Variants in ACSM2B observed in about 807,000 individuals in gnomAD.
ACSM2B encodes acyl-CoA synthetase medium chain family member 2B.
A neutral mutation model predicts 78.6 loss-of-function variants in ACSM2B; 58 were observed. The observed-to-expected ratio is 0.74, with a 90% CI of 0.60 to 0.92. ACSM2B has a LOEUF of 0.92. Among genes scored for constraint, ACSM2B ranks in the 40% least tolerant of loss-of-function variants. The pLI is 0.00. For missense variants in ACSM2B, 688 were observed against 711.2 expected (o/e 0.97, Z 0.37); for synonymous variants, 257 against 256.8 (o/e 1.00, Z -0.01).
intron 8 of ACSM2B, chr16:20,546,743 G>A (rs186664752): frequency 0.021 from 8,995 of 419,810 alleles, 161 homozygotes; most frequent in Middle Eastern, 0.032. Context: ...TTTAGGGGGA[G>A]TCACATTTTA....
At position 20,537,074 on chromosome 16, in the gene ACSM2B, A is replaced by C. The variant is rs1278979536; in HGVS notation, c.*184T>G. On this transcript the variant is annotated 3_prime_UTR_variant, in exon 14 of 14. Transcript: ENST00000329697. ...TACCCTCTCCTTTTCACTCTCTCTCATTCCTTCCCTTTCTTATTTCAATAT... is the reference window on the plus strand; with the variant it reads ...TACCCTCTCCTTTTCACTCTCTCTCCTTCCTTCCCTTTCTTATTTCAATAT... 3 of 671,404 alleles carry C rather than the reference A, an allele frequency of 4.5e-6. No individual in the cohort carries two copies. Among genetic ancestry groups the C allele is most frequent in the Non-Finnish European group, 7.3e-6 (3 of 409,260 alleles). The allele number at this position is 671,404 out of a possible 1,614,324, so 41.6% of individuals were successfully genotyped here.
chr16:20,567,347 ATATATT>A (rs2015935665), intron 1 of ACSM2B, among the ~76,000 whole-genome samples: 1 of 50,826 alleles, frequency 2.0e-5, no homozygotes, highest in East Asian at 9.3e-3. Flanking sequence ...TTATATATAA[ATATATT>A]ATATATTATA....
At chr16:20,574,447 A>C (rs560207905) in intron 1 of ACSM2B, 6 of 152,202 alleles carry the variant, frequency 3.9e-5, no homozygotes, top group African/African-American at 1.4e-4. Context: ...GGCATAAGAA[A>C]CTATAAGAGT....
At chr16:20,564,501 G>A (rs2015760315) in intron 2 of ACSM2B, among the ~76,000 whole-genome samples, 168 bp downstream of exon 2, 1 of 152,140 alleles carries the variant, frequency 6.6e-6, no homozygotes. Context: ...AGCTCATGCT[G>A]TCTCTTTCCC....
chr16:20,540,793 C>T lies in ACSM2B; in HGVS notation c.1510-20G>A, dbSNP rs1412731475. 4 of 1,612,500 alleles carry T rather than the reference C, an allele frequency of 2.5e-6. No homozygotes were observed. The highest frequency in any genetic ancestry group is 3.4e-6 in the Non-Finnish European group (4 of 1,179,102). ...CACCACCTGCAAAATAGATGAAGGC[C>T]AAGAGATAAGGGATTAGAGTGTGTA... On this transcript the variant is annotated intron_variant, in intron 12 of 13. Transcript: ENST00000329697.
intron 12 of ACSM2B, chr16:20,542,364 C>T (rs934980571): frequency 1.3e-5 from 2 of 151,508 alleles, no homozygotes; most frequent in African/African-American, 4.9e-5. Context: ...TATTTATTTT[C>T]TGTGCCTGGC....
Position 20,537,283 on chromosome 16 carries a change from A to G in ACSM2B, c.1709T>C (p.Met570Thr). The part of the protein sequence containing the change: ...RTKLRDKEWK[M>T]SGKARAQ ...TCACTGCGCACGGGCTTTTCCGGAC[A>G]TCTTCCACTCCTTGTCTCGAAGTTT... Residue 570 changes from methionine (M) to threonine (T), a missense_variant, in exon 14 of 14, where the codon ATG becomes ACG. Met to Thr is a moderately conservative substitution (Grantham distance 81). Coordinates refer to ENST00000329697, the MANE Select transcript of ACSM2B (RefSeq NM_001105069.2). The G allele has an allele frequency of 4.3e-6, 7 of 1,614,072 alleles. No individual in the cohort carries two copies. The highest frequency in any genetic ancestry group is 5.9e-6 in the Non-Finnish European group (7 of 1,179,932).
At chr16:20,564,008 T>C (rs2152144109) in intron 2 of ACSM2B, among the ~76,000 whole-genome samples, 1 of 150,490 alleles carries the variant, frequency 6.6e-6, no homozygotes, top group Non-Finnish European at 1.5e-5. Context: ...GCCCTTTTGA[T>C]AACTGTCACC....
chr16:20,549,637 C>G (rs1455107434), intron 6 of ACSM2B: 1 of 321,314 alleles, frequency 3.1e-6, no homozygotes, highest in Non-Finnish European at 6.0e-6. Flanking sequence ...TTATTCTGAG[C>G]CAAACATGAG....
intron 1 of ACSM2B, among the ~76,000 whole-genome samples, chr16:20,566,636 A>ATATATATAG (rs2015859352): frequency 5.6e-5 from 2 of 35,482 alleles, no homozygotes; most frequent in African/African-American, 3.3e-4. Context: ...TATATATAGT[A>ATATATATAG]TATATATACT....
intron 3 of ACSM2B, 133 bp from the exon 4 acceptor site, chr16:20,555,609 A>T: frequency 6.8e-7 from 1 of 1,477,648 alleles, no homozygotes; most frequent in South Asian, 1.4e-5. Flanking sequence ...GGAGAACGTC[A>T]ATAAAAAAGG....
At chr16:20,553,123 G>A (rs917537968) in intron 5 of ACSM2B, among the ~76,000 whole-genome samples, 31 of 151,974 alleles carry the variant, frequency 2.0e-4, no homozygotes, top group African/African-American at 7.0e-4. Flanking sequence ...GTCCCTATGG[G>A]CTCATAGATG....
At chr16:20,571,474 T>A (rs905815141) in intron 1 of ACSM2B, among the ~76,000 whole-genome samples, 2 of 151,638 alleles carry the variant, frequency 1.3e-5, no homozygotes, top group African/African-American at 4.8e-5. Flanking sequence ...TATTGAGACT[T>A]GTTTTGTGGC....
intron 1 of ACSM2B, among the ~76,000 whole-genome samples, chr16:20,569,028 C>T (rs2016016732): frequency 1.3e-5 from 2 of 151,700 alleles, no homozygotes; most frequent in Admixed American, 1.3e-4. Flanking sequence ...GTTTACTTTG[C>T]TGACTGTTCC....
At chr16:20,568,543 A>T (rs999195954) in intron 1 of ACSM2B, among the ~76,000 whole-genome samples, 20 of 151,124 alleles carry the variant, frequency 1.3e-4, no homozygotes, top group Non-Finnish European at 7.4e-5. Flanking sequence ...ATGTGCAGTG[A>T]CTTCTTTCGT....
intron 1 of ACSM2B, among the ~76,000 whole-genome samples, chr16:20,568,670 T>C (rs1473448176): frequency 1.3e-5 from 2 of 151,856 alleles, no homozygotes; most frequent in African/African-American, 4.8e-5. Flanking sequence ...TGTACTAGCT[T>C]ACATTCCCAC....
rs1282896185 is a variant in ACSM2B, at chr16:20,544,605, T to G, written c.1281+552A>C. The stretch of plus-strand genomic sequence containing the variant: ...GAAGGCATGCCCTTGGGTTCTTCTC[T>G]GTCCACTTTCTAATGGTTGTGAGCT... On this transcript the variant is annotated intron_variant, in intron 10 of 13. Coordinates refer to ENST00000329697, the MANE Select transcript of ACSM2B (RefSeq NM_001105069.2). 3.0e-6 allele frequency: 3 copies of G among 985,300 alleles called. No individual in the cohort carries two copies. The African/African-American group carries it at 5.2e-5, about 17-fold the overall frequency. 61.0% of individuals were successfully genotyped at this position (985,300 alleles called of 1,614,324 possible). A position where few individuals can be genotyped will look rare whatever the true frequency, so the allele number is the denominator to read the frequency against.
At chr16:20,575,200 T>A (rs201733036) in intron 1 of ACSM2B, among the ~76,000 whole-genome samples, 11 of 149,664 alleles carry the variant, frequency 7.3e-5, no homozygotes, top group African/African-American at 2.5e-4. Context: ...ATTCTTTTCC[T>A]CTAGAACCAC....
intron 3 of ACSM2B, among the ~76,000 whole-genome samples, chr16:20,556,637 T>C (rs2015483080): frequency 6.6e-6 from 1 of 152,128 alleles, no homozygotes; most frequent in Non-Finnish European, 1.5e-5. Flanking sequence ...ACAGAATAAC[T>C]ACACAGGTTT....
Sources: gnomAD v4.1 joint callset for allele counts (sites outside exome capture counted in the v4.1 genomes callset) on GRCh38, gnomAD v4.1.1 for gene constraint, MANE v1.5 for transcripts, NCBI Gene and HGNC (gene_info 2026-07-23, HGNC 2026-07-21) for gene names.